DNM1: variants seen among roughly 807,000 people sequenced by gnomAD.
The protein encoded by DNM1 is dynamin-1.
In DNM1, 29 loss-of-function variants were observed where a neutral mutation model predicts 104.6. The observed-to-expected ratio is 0.28, with a 90% confidence interval of 0.21 to 0.38. The LOEUF (loss-of-function observed/expected upper bound fraction) is 0.38, where lower values mean the gene tolerates loss of function less well. Among genes scored for constraint, DNM1 ranks in the 10% least tolerant of loss-of-function variants. DNM1 has a pLI of 1.00. For missense variants in DNM1, 640 were observed against 1,189.4 expected, an observed-to-expected ratio of 0.54 and a Z score of 6.79; for synonymous variants, 445 against 475.8, an observed-to-expected ratio of 0.94 and a Z score of 0.84.
intron 1 of DNM1, among the ~76,000 whole-genome samples, chr9:128,212,722 G>A (rs1337160053): frequency 1.3e-5 from 2 of 152,174 alleles, no homozygotes; most frequent in African/African-American, 4.8e-5. Context: ...ATTTCACACA[G>A]CCATGCAAGA....
At chr9:128,205,579 G>A (rs1461857019) in intron 1 of DNM1, among the ~76,000 whole-genome samples, 1 of 152,226 alleles carries the variant, frequency 6.6e-6, no homozygotes, top group Non-Finnish European at 1.5e-5. Flanking sequence ...TCCTGCACCA[G>A]GCACAGGGAC....
intron 4 of DNM1, among the ~76,000 whole-genome samples, 174 bp downstream of exon 4, chr9:128,219,426 TG>T (rs749046690): frequency 8.5e-5 from 13 of 152,276 alleles, no homozygotes; most frequent in Middle Eastern, 6.8e-3. Context: ...CCCAGCACTT[TG>T]GGAGGCCAAG....
Position 128,220,413 on chromosome 9 carries a change from A to C in DNM1, c.849+72A>C, listed in dbSNP as rs1242405685. 2 of 1,568,386 alleles carry C rather than the reference A, an allele frequency of 1.3e-6. No individual in the cohort carries two copies. The highest frequency in any genetic ancestry group is 1.7e-6 in the Non-Finnish European group (2 of 1,154,164). On this transcript the variant is annotated intron_variant, in intron 6 of 21. Coordinates refer to ENST00000372923, the MANE Select transcript of DNM1 (RefSeq NM_004408.4). The surrounding 1 kb of genome is among the most constrained non-coding windows in gnomAD (Gnocchi z 5.2). ...CAGGATAAATTAAGTGTGTTCTGAG[A>C]GTGAACAGCAGAGGTTAGCCTCTCC...
In DNM1 at chr9:128,203,705, G is replaced by T. The variant is rs572915709; in HGVS notation, c.161+74G>T. The T allele has an allele frequency of 3.4e-4, 457 of 1,333,648 alleles. 2 individuals carry two copies. In the African/African-American group the frequency reaches 5.2e-3, roughly 15 times the overall value. The allele number at this position is 1,333,648 out of a possible 1,614,324, so 82.6% of individuals were successfully genotyped here. On this transcript the variant is annotated intron_variant, in intron 1 of 21. Coordinates refer to ENST00000372923, the MANE Select transcript of DNM1 (RefSeq NM_004408.4). The surrounding 1 kb of genome is among the most constrained non-coding windows in gnomAD (Gnocchi z 5.3). ...TGGAGTCCCCGCCCGGGGCACTGAC[G>T]GCGCGGCGACCTCGCAGCCCCCGAC...
chr9:128,252,370 C>T, intron 21 of DNM1: 1 of 382,922 alleles, frequency 2.6e-6, no homozygotes. Flanking sequence ...ATGACCCTAC[C>T]TTGGGGAAAA....
In DNM1 at chr9:128,203,464, C is replaced by T. The variant is rs1261612865; in HGVS notation, c.-7C>T. On this transcript the variant is annotated 5_prime_UTR_variant, in exon 1 of 22. Transcript: ENST00000372923. This position sits in a 1 kb window ranked among gnomAD's most constrained non-coding sequence, Gnocchi z 5.3. ...CCGGATCGCAGCCTGCGGGGCCCGC[C>T]GCAGCCATGGGCAACCGCGGCATGG... 2.7e-6 allele frequency: 4 copies of T among 1,483,632 alleles called. No individual in the cohort carries two copies. The South Asian group carries it at 3.8e-5, about 14-fold the overall frequency. 91.9% of individuals were successfully genotyped at this position (1,483,632 alleles called of 1,614,324 possible).
chr9:128,233,929 C>G lies in DNM1; in HGVS notation c.1336-92C>G, dbSNP rs139016198. The G allele has an allele frequency of 2.6e-5, 31 of 1,174,266 alleles. No homozygotes were observed. The East Asian group carries it at 8.0e-4, about 30-fold the overall frequency. 72.7% of individuals were successfully genotyped at this position (1,174,266 alleles called of 1,614,324 possible). ...GGGCATTCTGTGTGTGCCTCCCACC[C>G]TGCGCCGCGGATCCCTGGACTCGTG... is the stretch of plus-strand genomic sequence containing the variant. On this transcript the variant is annotated intron_variant, in intron 10 of 21. Transcript: ENST00000372923.
At position 128,220,742 on chromosome 9, in the gene DNM1, C is replaced by CTCGCGCGCGCGTGTGTGTGTGTGTGT. The variant is rs1554773803; in HGVS notation, c.849+401_849+402insTCGCGCGCGCGTGTGTGTGTGTGTGT. Reference sequence around the variant, plus strand: ...CAGAACTGAAGTGCGCGCGCGCGCGCGTGTGTGTGTGTGTGTGTGTGTGTG... The same window carrying CTCGCGCGCGCGTGTGTGTGTGTGTGT: ...CAGAACTGAAGTGCGCGCGCGCGCGCTCGCGCGCGCGTGTGTGTGTGTGTGTGTGTGTGTGTGTGTGTGTGTGTGTG... On this transcript the variant is annotated intron_variant, in intron 6 of 21. Transcript: ENST00000372923. The surrounding 1 kb of genome is among the most constrained non-coding windows in gnomAD (Gnocchi z 5.2). Among the ~76,000 whole-genome samples, 1 of 136,278 alleles carries CTCGCGCGCGCGTGTGTGTGTGTGTGT rather than the reference C, an allele frequency of 7.3e-6. No homozygotes were observed. Among genetic ancestry groups the CTCGCGCGCGCGTGTGTGTGTGTGTGT allele is most frequent in the African/African-American group, 2.7e-5 (1 of 37,720 alleles). 89.4% of individuals were successfully genotyped at this position (136,278 alleles called of 152,430 possible). A position where few individuals can be genotyped will look rare whatever the true frequency, so the allele number is the denominator to read the frequency against.
At position 128,234,054 on chromosome 9, in the gene DNM1, G is replaced by A; in HGVS notation, c.1369G>A (p.Glu457Lys). 1 of 1,578,692 alleles carries A rather than the reference G, an allele frequency of 6.3e-7. No homozygotes were observed. Among genetic ancestry groups the A allele is most frequent in the Non-Finnish European group, 8.6e-7 (1 of 1,163,016 alleles). The change falls in exon 11 of 22, where the codon GAG becomes AAG. Residue 457 changes from glutamate (E) to lysine (K), a missense_variant. Glu to Lys is a moderately conservative substitution (Grantham distance 56). Transcript: ENST00000372923. ...GTACCCGCGGCTACGGGAGGAGATGGAGCGCATCGTGACCACCCACATCCG... is the reference window on the plus strand; with the variant it reads ...GTACCCGCGGCTACGGGAGGAGATGAAGCGCATCGTGACCACCCACATCCG... ...QQYPRLREEM[E>K]RIVTTHIRER...
chr9:128,239,627 G>C, intron 12 of DNM1, 101 bp from the exon 13 acceptor site: 6 of 1,270,494 alleles, frequency 4.7e-6, no homozygotes, highest in Non-Finnish European at 6.8e-6. Context: ...TAGAGCCCAG[G>C]TCTGCTAGGT....
In DNM1 at chr9:128,220,934, TTTTCTTTTC is replaced by T. The variant is rs1564331255; in HGVS notation, c.849+601_849+609del. 6.1e-5 allele frequency among the ~76,000 whole-genome samples: 5 copies of T among 82,112 alleles called. No individual in the cohort carries two copies. Among genetic ancestry groups the T allele is most frequent in the Non-Finnish European group, 8.3e-5 (3 of 35,976 alleles). The allele number at this position is 82,112 out of a possible 152,430, so 53.9% of individuals were successfully genotyped here. Reference sequence around the variant, plus strand: ...CTTTCTTTCTTTCTTTCTTTCTTTCTTTTCTTTTCTTTCTTTCTTTCCTTTCTTCTTTCT... The same window carrying T: ...CTTTCTTTCTTTCTTTCTTTCTTTCTTTTCTTTCTTTCCTTTCTTCTTTCT... On this transcript the variant is annotated intron_variant, in intron 6 of 21. Coordinates refer to ENST00000372923, the MANE Select transcript of DNM1 (RefSeq NM_004408.4). The surrounding 1 kb of genome is among the most constrained non-coding windows in gnomAD (Gnocchi z 5.2).
chr9:128,251,494 G>A (rs1383275935), intron 21 of DNM1: 1 of 229,960 alleles, frequency 4.3e-6, no homozygotes, highest in African/African-American at 2.3e-5. Flanking sequence ...TGTGTGACTA[G>A]AAAGGTGTGT....
At position 128,236,353 on chromosome 9, in the gene DNM1, T is replaced by A. The variant is rs536103304; in HGVS notation, c.1422+2246T>A. Among the ~76,000 whole-genome samples, 8 of 152,322 alleles carry A rather than the reference T, an allele frequency of 5.3e-5. No homozygotes were observed. The South Asian group carries it at 1.4e-3, about 28-fold the overall frequency. ...ATTTCCCATTTCCTGTTTTCACACA[T>A]CTCTCCATGATGCTGCCATCTCCAT... On this transcript the variant is annotated intron_variant, in intron 11 of 21. Coordinates refer to ENST00000372923, the MANE Select transcript of DNM1 (RefSeq NM_004408.4).
rs576016580 is a variant in DNM1 at position 128,243,630 on chromosome 9, G to A, written c.1671+1285G>A. 1.3e-4 allele frequency among the ~76,000 whole-genome samples: 20 copies of A among 152,322 alleles called. No individual in the cohort carries two copies. In the South Asian group the frequency reaches 4.1e-3, roughly 32 times the overall value. On this transcript the variant is annotated intron_variant, in intron 15 of 21. Transcript: ENST00000372923. The surrounding 1 kb of genome is among the most constrained non-coding windows in gnomAD (Gnocchi z 4.0). ...CAGTGGCATGGGGTGCGGGTGGGGG[G>A]TGGCTTCCTGCCGGTCTCTCTGCAG...
At chr9:128,221,063 T>TTCTCTCTC (rs1834991957) in intron 6 of DNM1, 2 of 132,308 alleles carry the variant, frequency 1.5e-5, no homozygotes, top group South Asian at 5.1e-4. Context: ...CTTTCTCTCT[T>TTCTCTCTC]TCTTTCTCTC....
chr9:128,235,312 G>A (rs1023140686), intron 11 of DNM1, among the ~76,000 whole-genome samples: 1 of 151,960 alleles, frequency 6.6e-6, no homozygotes, highest in Non-Finnish European at 1.5e-5. Context: ...TGGCCAACAT[G>A]GTGAAACCCC....
chr9:128,225,924 C>G (rs1477091258), intron 10 of DNM1: 1 of 889,470 alleles, frequency 1.1e-6, no homozygotes, highest in Non-Finnish European at 1.8e-6. Flanking sequence ...TCCCCCGTGC[C>G]CGTGCCATCC....
At chr9:128,217,727 T>A (rs1834698038) in intron 1 of DNM1, among the ~76,000 whole-genome samples, 1 of 152,168 alleles carries the variant, frequency 6.6e-6, no homozygotes, top group African/African-American at 2.4e-5. Context: ...CATGAGTCCT[T>A]TTCCTTGCCA....
At position 128,220,740 on chromosome 9, in the gene DNM1, C is replaced by T. The variant is rs888028602; in HGVS notation, c.849+399C>T. 0.047 allele frequency among the ~76,000 whole-genome samples: 5,922 copies of T among 125,668 alleles called. 381 individuals are homozygous for T. The highest frequency in any genetic ancestry group is 0.15 in the African/African-American group (5,325 of 34,504). 82.4% of individuals were successfully genotyped at this position (125,668 alleles called of 152,430 possible). A position where few individuals can be genotyped will look rare whatever the true frequency, so the allele number is the denominator to read the frequency against. On this transcript the variant is annotated intron_variant, in intron 6 of 21. Transcript: ENST00000372923. The surrounding 1 kb of genome is among the most constrained non-coding windows in gnomAD (Gnocchi z 5.2). ...TCCAGAACTGAAGTGCGCGCGCGCG[C>T]GCGTGTGTGTGTGTGTGTGTGTGTG...
Sources: gnomAD v4.1 joint callset for allele counts (sites outside exome capture counted in the v4.1 genomes callset) on GRCh38, gnomAD v4.1.1 for gene constraint, Gnocchi (gnomAD v3.1) non-coding constraint, MANE v1.5 for transcripts, NCBI Gene and HGNC (gene_info 2026-07-23, HGNC 2026-07-21) for gene names.